The following SHBG variants were observed in gnomAD, a reference collection of about 807,000 sequenced individuals.
The protein encoded by SHBG is sex hormone-binding globulin.
SHBG carries 37 observed loss-of-function variants against 41.9 expected under a neutral mutation model. The ratio of observed to expected loss-of-function variants is 0.88; its 90% CI spans 0.68 to 1.16. SHBG has a LOEUF of 1.16. Among genes scored for constraint, SHBG ranks in the 50% most tolerant of loss-of-function variants. The probability of loss-of-function intolerance (pLI) is 0.00; values close to 1 mark genes in which losing one functional copy is unlikely to be tolerated. For synonymous variants in SHBG, 217 were observed against 205.8 expected (o/e 1.05, Z -0.47); for missense variants, 466 against 499.9 (o/e 0.93, Z 0.65).
intron 1 of SHBG, among the ~76,000 whole-genome samples, chr17:7,615,602 T>C (rs2071965460): frequency 6.8e-6 from 1 of 147,236 alleles, no homozygotes; most frequent in Non-Finnish European, 1.5e-5. Context: ...TCGGATCACC[T>C]GAGGTCAGGG....
At chr17:7,626,207 G>T (rs879152707), upstream of SHBG, 68 of 332,282 alleles carry the variant, frequency 2.0e-4, no homozygotes, top group Non-Finnish European at 2.7e-4. Context: ...AAAAAAAAAA[G>T]AAATAAAAGA....
intron 4 of SHBG, 47 bp from the exon 5 acceptor site, chr17:7,631,542 A>G: frequency 1.2e-6 from 2 of 1,609,818 alleles, no homozygotes; most frequent in Non-Finnish European, 1.7e-6. Flanking sequence ...TGCGGCTCCG[A>G]TGCCCTGATT....
intron 1 of SHBG, chr17:7,614,585 G>A (rs1300203496): frequency 2.9e-5 from 35 of 1,208,550 alleles, no homozygotes; most frequent in Non-Finnish European, 3.8e-5. Flanking sequence ...AGCAGTCTGA[G>A]TGCGGGCCGG....
intron 1 of SHBG, among the ~76,000 whole-genome samples, chr17:7,620,162 A>T (rs2072064956): frequency 1.3e-5 from 2 of 151,794 alleles, no homozygotes; most frequent in South Asian, 4.2e-4. Context: ...AGAAAAAGAG[A>T]CATCAAGAAG....
chr17:7,628,528 C>T (rs1468477851), upstream of SHBG, among the ~76,000 whole-genome samples: 2 of 151,952 alleles, frequency 1.3e-5, no homozygotes, highest in African/African-American at 4.8e-5. Context: ...CTCACTGCAA[C>T]CTCTCCCTCC....
rs181143117 is a variant in SHBG, at chr17:7,631,560, C to G, written c.556-29C>G. On this transcript the variant is annotated intron_variant, in intron 4 of 7. Transcript: ENST00000380450. ...GGCTCCGATGCCCTGATTTCTACAT[C>G]CCCGTATCTTATCTCTGTCACACTC... 4,171 of 1,613,350 alleles carry G rather than the reference C, an allele frequency of 2.6e-3. 11 individuals are homozygous for G. Among genetic ancestry groups the G allele is most frequent in the Non-Finnish European group, 2.9e-3 (3,423 of 1,179,652 alleles).
At position 7,632,950 on chromosome 17, in the gene SHBG, G is replaced by A; in HGVS notation, c.1051G>A (p.Ala351Thr). 3 of 1,613,062 alleles carry A rather than the reference G, an allele frequency of 1.9e-6. No individual in the cohort carries two copies. The highest frequency in any genetic ancestry group is 2.5e-6 in the Non-Finnish European group (3 of 1,179,124). The change falls in exon 7 of 8, where the codon GCT becomes ACT. Residue 351 changes from alanine (A) to threonine (T), a missense_variant. Transcript: ENST00000380450. ...GCCTCAAGGGCGTCTCTTCCTGGGG[G>A]CTTTACCAGGTAAGAGAGAATGATG... ...AKPQGRLFLG[A>T]LPGEDSSTSF...
chr17:7,626,887 C>G (rs1002484503), upstream of SHBG: 3 of 1,602,460 alleles, frequency 1.9e-6, no homozygotes, highest in Admixed American at 1.7e-5. Context: ...CAGGGGATAA[C>G]AGTGGGGTCT....
chr17:7,616,981 A>G (rs2072005888), intron 1 of SHBG, among the ~76,000 whole-genome samples: 1 of 152,178 alleles, frequency 6.6e-6, no homozygotes, highest in African/African-American at 2.4e-5. Context: ...GGAAATTCAA[A>G]ATAGGAAAAA....
chr17:7,631,334 C>G lies in SHBG; in HGVS notation c.528C>G (p.Leu176=). 1 of 1,613,638 alleles carries G rather than the reference C, an allele frequency of 6.2e-7. No individual in the cohort carries two copies. The highest frequency in any genetic ancestry group is 8.5e-7 in the Non-Finnish European group (1 of 1,179,836). Residue 176 remains leucine, a synonymous_variant, in exon 4 of 8, where the codon CTC becomes CTG. Transcript: ENST00000380450. ...TGAGGATTGCGCTTGGGGGGCTGCT[C>G]TTCCCCGCTTCCAACCTTCGGTTGC... The part of the protein sequence containing the change: ...PIMRIALGGL[L]FPASNLRLPL...
intron 1 of SHBG, among the ~76,000 whole-genome samples, chr17:7,616,451 C>CAAAAAAAAAAAA (rs71159512): frequency 3.9e-5 from 4 of 101,516 alleles, no homozygotes; most frequent in African/African-American, 1.4e-4. Flanking sequence ...ACTAAAAATA[C>CAAAAAAAAAAAA]AAAAAAAAAA....
rs756835058 is a variant in SHBG, at chr17:7,631,870, TC to T, written c.716-5del. The stretch of plus-strand genomic sequence containing the variant: ...TTTGAGGCCTCAGGATAATCATTTC[TC>T]CCCACAGACATTCCCCAGCCTCATG... On this transcript the variant is annotated splice_polypyrimidine_tract_variant and splice_region_variant and intron_variant, in intron 5 of 7. Transcript: ENST00000380450. 2 of 1,613,966 alleles carry T rather than the reference TC, an allele frequency of 1.2e-6. No individual in the cohort carries two copies. Among genetic ancestry groups the T allele is most frequent in the Non-Finnish European group, 1.7e-6 (2 of 1,180,006 alleles).
chr17:7,630,399 T>C lies in SHBG; in HGVS notation c.112-17T>C, dbSNP rs6257. 0.098 allele frequency: 158,771 copies of C among 1,612,454 alleles called. 8,774 individuals are homozygous for C. Among genetic ancestry groups the C allele is most frequent in the Middle Eastern group, 0.2 (1,186 of 6,058 alleles). Reference sequence around the variant, plus strand: ...ACATGTCCCTACTCAGCTTTGTTTGTTTTCTCTTTCTGATAGAGTGCCCAC... The same window carrying C: ...ACATGTCCCTACTCAGCTTTGTTTGCTTTCTCTTTCTGATAGAGTGCCCAC... On this transcript the variant is annotated splice_polypyrimidine_tract_variant and intron_variant, in intron 1 of 7. Coordinates refer to ENST00000380450, the MANE Select transcript of SHBG (RefSeq NM_001040.5). The surrounding 1 kb of genome is among the most constrained non-coding windows in gnomAD (Gnocchi z 4.6).
intron 1 of SHBG, among the ~76,000 whole-genome samples, chr17:7,621,138 A>T (rs2072089412): frequency 9.0e-6 from 1 of 111,442 alleles, no homozygotes; most frequent in Non-Finnish European, 2.0e-5. Context: ...GATTTGCAAT[A>T]GCCAGTTAGC....
upstream of SHBG, chr17:7,627,554 G>A: frequency 1.2e-6 from 2 of 1,607,230 alleles, no homozygotes; most frequent in Non-Finnish European, 1.7e-6. The surrounding 1 kb of genome is among the most constrained non-coding windows in gnomAD (Gnocchi z 4.8). Context: ...CCGGGTTACC[G>A]GCCTGCAGTC....
intron 1 of SHBG, chr17:7,614,660 G>A: frequency 2.2e-6 from 1 of 445,050 alleles, no homozygotes; most frequent in Non-Finnish European, 3.6e-6. Flanking sequence ...CGGGAGCCGG[G>A]CCGGCCCCAC....
chr17:7,614,395 G>T, intron 1 of SHBG: 1 of 1,294,188 alleles, frequency 7.7e-7, no homozygotes, highest in Non-Finnish European at 1.1e-6. Context: ...ACGCGTTCCT[G>T]CTCCGGCCAG....
intron 1 of SHBG, chr17:7,614,783 T>G: frequency 4.8e-6 from 1 of 209,918 alleles, no homozygotes; most frequent in Non-Finnish European, 9.2e-6. Context: ...CGCCGCTGCC[T>G]TCGTCACCTC....
upstream of SHBG, among the ~76,000 whole-genome samples, chr17:7,624,903 G>A (rs1378889744): frequency 4.0e-5 from 6 of 150,550 alleles, no homozygotes; most frequent in African/African-American, 1.2e-4. Flanking sequence ...GCAATTTGCC[G>A]GCCTCCCAAA....
Sources: gnomAD v4.1 joint callset for allele counts (sites outside exome capture counted in the v4.1 genomes callset) on GRCh38, gnomAD v4.1.1 for gene constraint, Gnocchi (gnomAD v3.1) non-coding constraint, MANE v1.5 for transcripts, NCBI Gene and HGNC (gene_info 2026-07-23, HGNC 2026-07-21) for gene names.